MYO1F: variants seen among roughly 807,000 people sequenced by gnomAD.
MYO1F encodes unconventional myosin-If.
Under a neutral mutation model 146.6 loss-of-function variants are expected in MYO1F, and 60 were observed. The observed-to-expected ratio is 0.41, with a 90% CI of 0.33 to 0.51. MYO1F has a LOEUF of 0.51. Among genes scored for constraint, MYO1F ranks in the 20% least tolerant of loss-of-function variants. The pLI, the probability that MYO1F is intolerant of heterozygous loss-of-function variation, is 0.25. For synonymous variants in MYO1F, 602 were observed against 602.1 expected, an observed-to-expected ratio of 1.00 and a Z score of 0.00; for missense variants, 1,274 against 1,534.3, an observed-to-expected ratio of 0.83 and a Z score of 2.83.
chr19:8,555,107 C>T (rs1282405985), intron 2 of MYO1F, among the ~76,000 whole-genome samples: 1 of 149,890 alleles, frequency 6.7e-6, no homozygotes, highest in African/African-American at 2.5e-5. Context: ...ATCGCTTGAA[C>T]CTGGGAGGCA....
Position 8,530,406 on chromosome 19 carries a change from C to G in MYO1F, c.2159-41G>C. On this transcript the variant is annotated intron_variant, in intron 20 of 27. Transcript: ENST00000644032. This position sits in a 1 kb window ranked among gnomAD's most constrained non-coding sequence, Gnocchi z 5.8. ...GTGGAGGGCAGAGCTCCTGATACAGCTCCTCCAGGTCCTTGTGCCCCCACC... is the reference window on the plus strand; with the variant it reads ...GTGGAGGGCAGAGCTCCTGATACAGGTCCTCCAGGTCCTTGTGCCCCCACC... The G allele has an allele frequency of 6.2e-7, 1 of 1,613,892 alleles. No homozygotes were observed. Among genetic ancestry groups the G allele is most frequent in the Non-Finnish European group, 8.5e-7 (1 of 1,180,006 alleles).
intron 14 of MYO1F, chr19:8,543,984 C>CTGG: frequency 5.8e-6 from 1 of 173,060 alleles, no homozygotes; most frequent in Non-Finnish European, 1.0e-5. Flanking sequence ...GGTGCTGGTG[C>CTGG]TGGTGGTGGT....
At chr19:8,574,566 T>TCTTTCTTTCTTC (rs1555732896) in intron 1 of MYO1F, among the ~76,000 whole-genome samples, 3 of 86,820 alleles carry the variant, frequency 3.5e-5, no homozygotes, top group African/African-American at 5.8e-5. Flanking sequence ...TTTCTTTCTT[T>TCTTTCTTTCTTC]CTTTCTTTCT....
chr19:8,561,827 C>T (rs1974146415), intron 1 of MYO1F, among the ~76,000 whole-genome samples: 1 of 151,608 alleles, frequency 6.6e-6, no homozygotes, highest in Non-Finnish European at 1.5e-5. Flanking sequence ...AACGATTCTT[C>T]TGCCTCAGCC....
chr19:8,572,834 T>G (rs2042135721), intron 1 of MYO1F, among the ~76,000 whole-genome samples: 1 of 152,310 alleles, frequency 6.6e-6, no homozygotes, highest in Admixed American at 6.5e-5. Context: ...TAGCTGGTAC[T>G]ACAGGTCCAT....
At position 8,554,519 on chromosome 19, in the gene MYO1F, C is replaced by T. The variant is rs570873153; in HGVS notation, c.284G>A (p.Arg95Gln). ...GTTCTCACAGTCGATAAGCATGTTC[C>T]GGTACATGTTGTCCGTGAGGGCGTA... ...HIYALTDNMY[R>Q]NMLIDCENQC... The change falls in exon 4 of 28, where the codon CGG becomes CAG. Residue 95 changes from arginine (R) to glutamine (Q), a missense_variant. Arg to Gln is a conservative substitution (Grantham distance 43). This residue lies in a region of MYO1F where 900 missense variants were observed against 1,155.1 expected (regional missense o/e 0.78). Coordinates refer to ENST00000644032, the MANE Select transcript of MYO1F (RefSeq NM_012335.4). The T allele has an allele frequency of 2.0e-5, 33 of 1,613,370 alleles. No individual in the cohort carries two copies. The highest frequency in any genetic ancestry group is 4.5e-5 in the East Asian group (2 of 44,868).
intron 1 of MYO1F, among the ~76,000 whole-genome samples, chr19:8,574,591 CTCTCTCTTTCTTTCTTTCTT>C (rs1179128761): frequency 2.1e-4 from 18 of 84,052 alleles, no homozygotes; most frequent in African/African-American, 5.6e-4. Flanking sequence ...CTCTCTCTCT[CTCTCTCTTTCTTTCTTTCTT>C]TCTTTCTTTC....
chr19:8,540,992 CT>C (rs926595844), intron 15 of MYO1F, among the ~76,000 whole-genome samples: 2 of 151,456 alleles, frequency 1.3e-5, no homozygotes, highest in Non-Finnish European at 2.9e-5. Context: ...GAGGTTCTGC[CT>C]TTTTTTTCCC....
Position 8,530,541 on chromosome 19 carries a change from C to CT in MYO1F, c.2075dup (p.Phe693ValfsTer110). On this transcript the variant is annotated frameshift_variant, in exon 20 of 28. Transcript: ENST00000644032. LOFTEE classifies it high-confidence loss of function. This position sits in a 1 kb window ranked among gnomAD's most constrained non-coding sequence, Gnocchi z 5.8. ...GGATGGTTCGGGCAAAGCCATCGAACTTTCGCTCTCGCACCTCCTCCAGGA... is the reference window on the plus strand; with the variant it reads ...GGATGGTTCGGGCAAAGCCATCGAACTTTTCGCTCTCGCACCTCCTCCAGGA... 6.2e-7 allele frequency: 1 copy of CT among 1,613,112 alleles called. No homozygotes were observed. Among genetic ancestry groups the CT allele is most frequent in the Middle Eastern group, 1.6e-4 (1 of 6,062 alleles).
rs563551822 is a variant in MYO1F at position 8,545,677 on chromosome 19, G to A, written c.1329C>T (p.Val443=). Residue 443 remains valine (V), a synonymous_variant, in exon 13 of 28, where the codon GTC becomes GTT. Coordinates refer to ENST00000644032, the MANE Select transcript of MYO1F (RefSeq NM_012335.4). ...GCTTGTTTTCGATGAGGTCACAGAC[G>A]ACCTTGTTGTTGAAGTACTGGATTG... The part of the protein sequence containing the change: ...WTPIQYFNNK[V]VCDLIENKLS... The A allele has an allele frequency of 1.8e-5, 29 of 1,614,068 alleles. No homozygotes were observed. The Admixed American group carries it at 3.2e-4, about 18-fold the overall frequency.
At chr19:8,525,734 C>G (rs1465548187) in intron 24 of MYO1F, among the ~76,000 whole-genome samples, 172 bp from the exon 25 acceptor site, 1 of 152,122 alleles carries the variant, frequency 6.6e-6, no homozygotes, top group Non-Finnish European at 1.5e-5. Context: ...GCCTCGCCCC[C>G]CAAGGGCCCA....
At position 8,553,868 on chromosome 19, in the gene MYO1F, T is replaced by TCACA. The variant is rs374157870; in HGVS notation, c.327-435_327-432dup. The stretch of plus-strand genomic sequence containing the variant: ...GCCTGGGTGACAGACTGAGACTCTG[T>TCACA]CACACACACACACACACACACACAC... On this transcript the variant is annotated intron_variant, in intron 4 of 27. Coordinates refer to ENST00000644032, the MANE Select transcript of MYO1F (RefSeq NM_012335.4). Among the ~76,000 whole-genome samples the TCACA allele has an allele frequency of 7.9e-4, 96 of 121,582 alleles. 1 individual carries two copies. Among genetic ancestry groups the TCACA allele is most frequent in the African/African-American group, 1.8e-3 (53 of 29,212 alleles). 79.8% of individuals were successfully genotyped at this position (121,582 alleles called of 152,430 possible).
At chr19:8,551,213 G>A (rs1260599258) in intron 8 of MYO1F, among the ~76,000 whole-genome samples, 2 of 151,848 alleles carry the variant, frequency 1.3e-5, no homozygotes, top group Admixed American at 6.6e-5. Context: ...CATCATACCC[G>A]GCTAATCTTT....
In MYO1F at chr19:8,530,590, G is replaced by C. The variant is rs779255303; in HGVS notation, c.2044-17C>G. 6 of 1,596,396 alleles carry C rather than the reference G, an allele frequency of 3.8e-6. No individual in the cohort carries two copies. In the South Asian group the frequency reaches 5.5e-5, roughly 15 times the overall value. On this transcript the variant is annotated splice_polypyrimidine_tract_variant and intron_variant, in intron 19 of 27. Coordinates refer to ENST00000644032, the MANE Select transcript of MYO1F (RefSeq NM_012335.4). The surrounding 1 kb of genome is among the most constrained non-coding windows in gnomAD (Gnocchi z 5.8). ...GAGGAAAAGCTGGGCGGGGGTCGTGGGGGGCAAGGGTGAGTCCTGGTGTCT... is the reference window on the plus strand; with the variant it reads ...GAGGAAAAGCTGGGCGGGGGTCGTGCGGGGCAAGGGTGAGTCCTGGTGTCT...
chr19:8,526,401 T>C, intron 24 of MYO1F, 52 bp downstream of exon 24: 1 of 1,545,190 alleles, frequency 6.5e-7, no homozygotes, highest in South Asian at 1.2e-5. Flanking sequence ...CGTCCACTCT[T>C]AACCAGCCTC....
At chr19:8,559,336 T>TGGG (rs1156978401) in intron 1 of MYO1F, among the ~76,000 whole-genome samples, 886 of 21,820 alleles carry the variant, frequency 0.041, 17 homozygotes, top group African/African-American at 0.073. Context: ...CTTGAGGGGG[T>TGGG]GGGGGGTGGG....
intron 1 of MYO1F, among the ~76,000 whole-genome samples, chr19:8,571,157 T>A (rs2042100030): frequency 6.6e-6 from 1 of 152,188 alleles, no homozygotes; most frequent in Non-Finnish European, 1.5e-5. Flanking sequence ...AACAGCCACT[T>A]CCTTCCTCAC....
At chr19:8,522,581 A>C in intron 26 of MYO1F, 35 bp from the exon 27 acceptor site, 1 of 1,606,736 alleles carries the variant, frequency 6.2e-7, no homozygotes. Context: ...ACAGCCCCAG[A>C]CACTCCCCTA....
intron 22 of MYO1F, 81 bp from the exon 23 acceptor site, chr19:8,527,016 G>C: frequency 1.3e-6 from 2 of 1,569,128 alleles, no homozygotes; most frequent in South Asian, 2.2e-5. Context: ...GTGGCTGAAG[G>C]TGGATTTAGG....
Sources: allele counts gnomAD v4.1 joint callset (sites outside exome capture counted in the v4.1 genomes callset), GRCh38; gene constraint gnomAD v4.1.1; regional missense constraint gnomAD v4.1.1; non-coding constraint Gnocchi (gnomAD v3.1); transcripts MANE v1.5; gene names NCBI Gene and HGNC (gene_info 2026-07-23, HGNC 2026-07-21).